The following CFAP68 variants were observed in gnomAD, a reference collection of about 807,000 sequenced individuals.
CFAP68 encodes cilia and flagella associated protein 68.
At chr11:111,884,169 G>A in the CFAP68 span, 5 of 245,050 alleles carry the variant, frequency 2.0e-5, no homozygotes, top group East Asian at 5.7e-4. Flanking sequence ...TGTTGTAGAA[G>A]GGCCTTAAAA....
chr11:111,881,011 A>C, the CFAP68 span: 3 of 319,058 alleles, frequency 9.4e-6, no homozygotes, highest in African/African-American at 2.2e-5. Flanking sequence ...AGGATAAAAC[A>C]AGAGGCAACT....
At chr11:111,882,705 C>G in the CFAP68 span, 4 of 1,077,124 alleles carry the variant, frequency 3.7e-6, no homozygotes, top group African/African-American at 6.4e-5. Flanking sequence ...GCAGTGATCT[C>G]TCAGTTTTCA....
chr11:111,880,131 C>T, the CFAP68 span, among the ~76,000 whole-genome samples: 1 of 152,102 alleles, frequency 6.6e-6, no homozygotes, highest in Non-Finnish European at 1.5e-5. Context: ...ATATATTGCA[C>T]CCAGGTAGGT....
the CFAP68 span, chr11:111,880,846 G>A: frequency 2.2e-6 from 1 of 454,732 alleles, no homozygotes; most frequent in Middle Eastern, 3.3e-4. Context: ...CTGTTCTGTT[G>A]TAAGCCATTT....
At chr11:111,885,954 G>A in the CFAP68 span, 1 of 151,390 alleles carries the variant, frequency 6.6e-6, no homozygotes, top group African/African-American at 2.4e-5. Flanking sequence ...CATTTTTATT[G>A]TAAATAAACT....
At chr11:111,881,267 G>C in the CFAP68 span, 1 of 1,409,894 alleles carries the variant, frequency 7.1e-7, no homozygotes, top group Middle Eastern at 2.6e-4. Context: ...ATTGGACTTT[G>C]TGGCACCAGC....
At chr11:111,881,279 A>G in the CFAP68 span, 564 of 1,418,302 alleles carry the variant, frequency 4.0e-4, no homozygotes, top group Non-Finnish European at 4.9e-4. Context: ...GGCACCAGCT[A>G]CTCTGGTCAT....
At chr11:111,884,092 T>TTTGTTG in the CFAP68 span, 6 of 429,268 alleles carry the variant, frequency 1.4e-5, no homozygotes, top group African/African-American at 2.1e-5. Context: ...TATCCCTTTT[T>TTTGTTG]TTGTTGTTGT....
chr11:111,882,661 C>A, the CFAP68 span: 1 of 1,377,332 alleles, frequency 7.3e-7, no homozygotes, highest in Non-Finnish European at 9.8e-7. Context: ...AATGTAGTGG[C>A]CATTTGAAAT....
chr11:111,885,953 T>C, the CFAP68 span: 1 of 152,186 alleles, frequency 6.6e-6, no homozygotes, highest in Non-Finnish European at 1.5e-5. Context: ...CCATTTTTAT[T>C]GTAAATAAAC....
the CFAP68 span, chr11:111,882,295 C>T: frequency 1.5e-6 from 2 of 1,310,930 alleles, no homozygotes; most frequent in Non-Finnish European, 2.2e-6. Flanking sequence ...CTATGTAAAA[C>T]AAGGGCAGGA....
chr11:111,883,257 G>A, the CFAP68 span: 9 of 1,425,838 alleles, frequency 6.3e-6, no homozygotes, highest in African/African-American at 1.4e-5. Context: ...CTCAGTGACC[G>A]GCACATAGAA....
At chr11:111,882,513 AT>A in the CFAP68 span, 1 of 1,614,202 alleles carries the variant, frequency 6.2e-7, no homozygotes, top group Admixed American at 1.7e-5. Flanking sequence ...GAGAATACCT[AT>A]TCAAACCGTA....
the CFAP68 span, chr11:111,882,301 C>A: frequency 7.4e-7 from 1 of 1,351,564 alleles, no homozygotes. Context: ...AAAACAAGGG[C>A]AGGAAAAGAT....
At chr11:111,881,646 T>C in the CFAP68 span, 7 of 1,496,618 alleles carry the variant, frequency 4.7e-6, no homozygotes, top group Non-Finnish European at 6.2e-6. Context: ...GGGGCCAGAC[T>C]CACATTTTGG....
At chr11:111,884,048 A>G in the CFAP68 span, 1 of 515,730 alleles carries the variant, frequency 1.9e-6, no homozygotes, top group Admixed American at 3.8e-5. Flanking sequence ...TCACTCTCTG[A>G]ATAAATAAAG....
chr11:111,883,256 C>A, the CFAP68 span: 1 of 1,426,906 alleles, frequency 7.0e-7, no homozygotes, highest in Non-Finnish European at 9.7e-7. Context: ...ACTCAGTGAC[C>A]GGCACATAGA....
the CFAP68 span, among the ~76,000 whole-genome samples, chr11:111,883,523 G>T: frequency 6.6e-6 from 1 of 151,978 alleles, no homozygotes; most frequent in African/African-American, 2.4e-5. Context: ...AACCCGAGAG[G>T]TGGAGGTTTC....
At chr11:111,883,749 T>C in the CFAP68 span, 22 of 1,525,878 alleles carry the variant, frequency 1.4e-5, no homozygotes, top group Admixed American at 3.5e-4. Flanking sequence ...TGTCTTTCCT[T>C]CCTTTTTTTT....
Sources: allele counts gnomAD v4.1 joint callset (sites outside exome capture counted in the v4.1 genomes callset), GRCh38; gene constraint gnomAD v4.1.1; transcripts MANE v1.5; gene names NCBI Gene and HGNC (gene_info 2026-07-23, HGNC 2026-07-21).